The following HTN1 variants were observed in gnomAD, a reference collection of about 807,000 sequenced individuals.
The protein encoded by HTN1 is histatin 1.
In HTN1, 18 loss-of-function variants were observed where a neutral mutation model predicts 11.2. That is an observed-to-expected ratio of 1.61 (90% CI 1.12 to 2.39). HTN1 has a LOEUF of 2.39. Among genes scored for constraint, HTN1 ranks in the 30% most tolerant of loss-of-function variants. The pLI, the probability that HTN1 is intolerant of heterozygous loss-of-function variation, is 0.00. For missense variants in HTN1, 80 were observed against 67.2 expected (o/e 1.19, Z -0.67); for synonymous variants, 21 against 20.5 (o/e 1.02, Z -0.07).
intron 2 of HTN1, among the ~76,000 whole-genome samples, chr4:70,053,894 G>A (rs1270687008): frequency 9.9e-5 from 15 of 152,208 alleles, no homozygotes; most frequent in Non-Finnish European, 5.9e-5. Flanking sequence ...ATTATAAAAG[G>A]ATAGAAGTAG....
chr4:70,058,135 C>A (rs936651574), intron 5 of HTN1: 3 of 152,060 alleles, frequency 2.0e-5, no homozygotes, highest in Non-Finnish European at 2.9e-5. Context: ...CAAAAGGTGT[C>A]AAATATTTTT....
intron 5 of HTN1, chr4:70,057,455 A>G (rs1313752650): frequency 1.3e-5 from 2 of 152,178 alleles, no homozygotes; most frequent in African/African-American, 2.4e-5. Flanking sequence ...ACATATACCT[A>G]TGTAACAGAA....
At chr4:70,055,626 C>G in intron 5 of HTN1, 24 bp downstream of exon 5, 2 of 1,065,154 alleles carry the variant, frequency 1.9e-6, no homozygotes, top group South Asian at 1.3e-5. Flanking sequence ...AGTTGCTTGT[C>G]TTTCTAGAAG....
rs60174471 is a variant in HTN1, at chr4:70,054,384, T to C, written c.73-37T>C. ...TACGGGAAAACTTGATAAATAAACA[T>C]ATATTGAATTTTTAATCTTTTCTTT... On this transcript the variant is annotated intron_variant, in intron 3 of 5. Transcript: ENST00000246896. The C allele has an allele frequency of 4.1e-3, 6,242 of 1,526,416 alleles. 192 individuals are homozygous for C. The African/African-American group carries it at 0.073, about 18-fold the overall frequency. The allele number at this position is 1,526,416 out of a possible 1,614,324, so 94.6% of individuals were successfully genotyped here. A position where few individuals can be genotyped will look rare whatever the true frequency, so the allele number is the denominator to read the frequency against.
At position 70,054,320 on chromosome 4, in the gene HTN1, A is replaced by G. The variant is rs1334216092; in HGVS notation, c.52-2A>G. ...TATTTTCTCATTTTCTTTTTTTCCA[A>G]GAGCGCTGATTCACATGAAAAGGTA... On this transcript the variant is annotated splice_acceptor_variant, in intron 2 of 5. Coordinates refer to ENST00000246896, the MANE Select transcript of HTN1 (RefSeq NM_002159.4). LOFTEE classifies it high-confidence loss of function. The G allele has an allele frequency of 6.7e-7, 1 of 1,483,096 alleles. No individual in the cohort carries two copies. Among genetic ancestry groups the G allele is most frequent in the East Asian group, 2.3e-5 (1 of 42,864 alleles). The allele number at this position is 1,483,096 out of a possible 1,614,324, so 91.9% of individuals were successfully genotyped here. A position where few individuals can be genotyped will look rare whatever the true frequency, so the allele number is the denominator to read the frequency against.
At position 70,054,323 on chromosome 4, in the gene HTN1, G is replaced by A. The variant is rs1222824029; in HGVS notation, c.53G>A (p.Ser18Asn). 1 of 1,498,426 alleles carries A rather than the reference G, an allele frequency of 6.7e-7. No homozygotes were observed. The highest frequency in any genetic ancestry group is 9.1e-7 in the Non-Finnish European group (1 of 1,102,990). The allele number at this position is 1,498,426 out of a possible 1,614,324, so 92.8% of individuals were successfully genotyped here. A position where few individuals can be genotyped will look rare whatever the true frequency, so the allele number is the denominator to read the frequency against. Residue 18 changes from serine (S) to asparagine (N), a missense_variant and splice_region_variant, in exon 3 of 6, where the codon AGC becomes AAC. By Grantham distance (46) the Ser-to-Asn change is conservative. Coordinates refer to ENST00000246896, the MANE Select transcript of HTN1 (RefSeq NM_002159.4). ...LVLALMISMI[S>N]ADSHEKRHHG... ...TTTCTCATTTTCTTTTTTTCCAAGA[G>A]CGCTGATTCACATGAAAAGGTAAGA...
chr4:70,051,233 A>G (rs1330268159), intron 1 of HTN1, among the ~76,000 whole-genome samples: 1 of 152,130 alleles, frequency 6.6e-6, no homozygotes, highest in African/African-American at 2.4e-5. Flanking sequence ...CTTTCTTCTT[A>G]ATAGGAAACT....
chr4:70,058,340 G>A (rs765257315), intron 5 of HTN1: 1 of 152,068 alleles, frequency 6.6e-6, no homozygotes, highest in South Asian at 2.1e-4. Flanking sequence ...GTAAGATGAT[G>A]ATGGAAAACC....
In HTN1 at chr4:70,055,553, A is replaced by T. The variant is rs1420540434; in HGVS notation, c.158A>T (p.Tyr53Phe). ...FPFYGDYGSN[Y>F]LYDN ...TTTTATGGGGACTATGGATCAAATT[A>T]TCTATATGACAATTGATATCCTTAG... is the stretch of plus-strand genomic sequence containing the variant. Residue 53 changes from tyrosine (Y) to phenylalanine (F), a missense_variant, in exon 5 of 6, where the codon TAT (tyrosine) becomes TTT (phenylalanine). Coordinates refer to ENST00000246896, the MANE Select transcript of HTN1 (RefSeq NM_002159.4). The T allele has an allele frequency of 2.5e-6, 4 of 1,577,540 alleles. No homozygotes were observed. The highest frequency in any genetic ancestry group is 3.5e-6 in the Non-Finnish European group (4 of 1,147,766).
intron 4 of HTN1, 86 bp from the exon 5 acceptor site, chr4:70,055,412 A>G (rs1726010809): frequency 3.2e-6 from 3 of 945,650 alleles, no homozygotes; most frequent in Non-Finnish European, 5.1e-6. Flanking sequence ...TTAGCAATCT[A>G]AGCTTTTAAT....
Position 70,055,608 on chromosome 4 carries a change from C to G in HTN1, c.*33+6C>G, listed in dbSNP as rs770419218. 2 of 1,277,578 alleles carry G rather than the reference C, an allele frequency of 1.6e-6. No homozygotes were observed. The highest frequency in any genetic ancestry group is 2.3e-6 in the Non-Finnish European group (2 of 878,988). The allele number at this position is 1,277,578 out of a possible 1,614,324, so 79.1% of individuals were successfully genotyped here. ...CATGGGGCATGATTATAGAGGTAAG[C>G]TGACTCTAGTTGCTTGTCTTTCTAG... is the stretch of plus-strand genomic sequence containing the variant. On this transcript the variant is annotated splice_donor_region_variant and intron_variant, in intron 5 of 5. Transcript: ENST00000246896.
chr4:70,056,485 T>A (rs1337054750), intron 5 of HTN1: 1 of 152,066 alleles, frequency 6.6e-6, no homozygotes, highest in Non-Finnish European at 1.5e-5. Flanking sequence ...GGCAAAGACT[T>A]CATGTAAAAA....
At chr4:70,050,668 C>T (rs529321866) in intron 1 of HTN1, among the ~76,000 whole-genome samples, 173 bp downstream of exon 1, 1 of 152,072 alleles carries the variant, frequency 6.6e-6, no homozygotes, top group Admixed American at 6.6e-5. Context: ...TATAGAATAC[C>T]ATAATTTCTA....
chr4:70,053,764 C>T lies in HTN1; in HGVS notation c.52-558C>T, dbSNP rs115468491. Among the ~76,000 whole-genome samples, 606 of 152,154 alleles carry T rather than the reference C, an allele frequency of 4.0e-3. 2 individuals carry two copies. Among genetic ancestry groups the T allele is most frequent in the Non-Finnish European group, 6.7e-3 (457 of 67,970 alleles). On this transcript the variant is annotated intron_variant, in intron 2 of 5. Coordinates refer to ENST00000246896, the MANE Select transcript of HTN1 (RefSeq NM_002159.4). ...CCTCCTCCTCCTCCTCCTCCTCTTT[C>T]TATGAACTTAATAGAAAATTGGTCA...
chr4:70,058,405 T>G (rs1726097009), intron 5 of HTN1, 175 bp from the exon 6 acceptor site: 1 of 152,178 alleles, frequency 6.6e-6, no homozygotes, highest in Non-Finnish European at 1.5e-5. Flanking sequence ...TTATTTATTC[T>G]GATACCCACT....
intron 4 of HTN1, 106 bp from the exon 5 acceptor site, chr4:70,055,391 TC>T: frequency 1.3e-6 from 1 of 783,690 alleles, no homozygotes; most frequent in Non-Finnish European, 2.2e-6. Flanking sequence ...AAATACAAGG[TC>T]TTAACAACTT....
Position 70,058,651 on chromosome 4 carries a change from T to C in HTN1, c.*105T>C, listed in dbSNP as rs1393064279. 2 of 152,168 alleles carry C rather than the reference T, an allele frequency of 1.3e-5. No individual in the cohort carries two copies. Among genetic ancestry groups the C allele is most frequent in the African/African-American group, 4.8e-5 (2 of 41,454 alleles). The allele number at this position is 152,168 out of a possible 1,614,324, so 9.4% of individuals were successfully genotyped here. The stretch of plus-strand genomic sequence containing the variant: ...TACCGCATCACACTACCACTGCTTT[T>C]TGAAGAATTATCATAAGGCAATGGA... On this transcript the variant is annotated 3_prime_UTR_variant, in exon 6 of 6. Transcript: ENST00000246896.
chr4:70,054,486 A>G (rs745616504), intron 4 of HTN1, 36 bp downstream of exon 4: 2 of 1,340,320 alleles, frequency 1.5e-6, no homozygotes, highest in South Asian at 2.5e-5. Context: ...CTCTAAATAA[A>G]TTTTCCTCTC....
At chr4:70,054,578 TCATTTATTTATGATG>T (rs1725986632) in intron 4 of HTN1, 128 bp downstream of exon 4, 1 of 641,208 alleles carries the variant, frequency 1.6e-6, no homozygotes, top group Non-Finnish European at 2.6e-6. Flanking sequence ...CACATTGATT[TCATTTATTTATGATG>T]CAAAGGCAAA....
Sources: gnomAD v4.1 joint callset for allele counts (sites outside exome capture counted in the v4.1 genomes callset) on GRCh38, gnomAD v4.1.1 for gene constraint, MANE v1.5 for transcripts, NCBI Gene and HGNC (gene_info 2026-07-23, HGNC 2026-07-21) for gene names.